Variants in SGCZ observed in about 807,000 individuals in gnomAD.
SGCZ encodes sarcoglycan zeta, also known as zeta-sarcoglycan.
A neutral mutation model predicts 41.3 loss-of-function variants in SGCZ; 40 were observed. The ratio of observed to expected loss-of-function variants is 0.97; its 90% CI spans 0.75 to 1.26. SGCZ has a LOEUF of 1.26. Ranked by LOEUF, SGCZ falls within the 50% of genes most tolerant of loss-of-function variation. The pLI, the probability that SGCZ is intolerant of heterozygous loss-of-function variation, is 0.00. For synonymous variants in SGCZ, 206 were observed against 137.5 expected, an observed-to-expected ratio of 1.50 and a Z score of -3.49; for missense variants, 552 against 369.8, an observed-to-expected ratio of 1.49 and a Z score of -4.04.
intron 1 of SGCZ, among the ~76,000 whole-genome samples, chr8:14,985,563 A>G (rs1585438774): frequency 1.3e-5 from 2 of 152,172 alleles, no homozygotes; most frequent in Non-Finnish European, 2.9e-5. Context: ...AAGTAAACAG[A>G]AAGCAGTTCA....
chr8:14,585,908 C>G (rs62498446), intron 1 of SGCZ, among the ~76,000 whole-genome samples: 4,855 of 152,116 alleles, frequency 0.032, 92 homozygotes, highest in Non-Finnish European at 0.046. Context: ...AAGTTGGCCA[C>G]ACAGTTGCTT....
chr8:14,418,344 G>A (rs561694056), intron 2 of SGCZ, among the ~76,000 whole-genome samples: 1 of 151,838 alleles, frequency 6.6e-6, no homozygotes, highest in African/African-American at 2.4e-5. Flanking sequence ...GCTCCTTAAA[G>A]CATTAGTTTT....
intron 2 of SGCZ, among the ~76,000 whole-genome samples, chr8:14,494,372 C>A (rs954998063): frequency 6.6e-6 from 1 of 152,046 alleles, no homozygotes; most frequent in Non-Finnish European, 1.5e-5. Flanking sequence ...TCAACTTTTC[C>A]AAGAGTGACA....
chr8:14,832,879 G>A (rs1407572738), intron 1 of SGCZ, among the ~76,000 whole-genome samples: 2 of 151,814 alleles, frequency 1.3e-5, no homozygotes, highest in Non-Finnish European at 1.5e-5. Context: ...TGTTTTAATA[G>A]GTAGGTTTTT....
intron 1 of SGCZ, among the ~76,000 whole-genome samples, chr8:14,949,058 G>A (rs984501580): frequency 1.4e-4 from 22 of 151,760 alleles, no homozygotes; most frequent in African/African-American, 5.3e-4. Flanking sequence ...AAGTACATTC[G>A]GTACATTTCC....
intron 1 of SGCZ, among the ~76,000 whole-genome samples, chr8:14,632,796 A>C (rs376250473): frequency 5.3e-5 from 8 of 152,174 alleles, no homozygotes; most frequent in African/African-American, 1.7e-4. Context: ...GTCATCCTAT[A>C]AGATAAAGGG....
At chr8:14,764,572 A>G (rs1799985801) in intron 1 of SGCZ, among the ~76,000 whole-genome samples, 1 of 152,186 alleles carries the variant, frequency 6.6e-6, no homozygotes, top group African/African-American at 2.4e-5. Flanking sequence ...TACAAACGTG[A>G]GATATTTTAC....
intron 7 of SGCZ, among the ~76,000 whole-genome samples, chr8:14,092,534 C>T (rs549606510): frequency 6.6e-6 from 1 of 152,006 alleles, no homozygotes; most frequent in South Asian, 2.1e-4. Flanking sequence ...AATTGTAACC[C>T]CCATAATTCC....
chr8:15,156,238 G>A (rs1163796719), intron 1 of SGCZ, among the ~76,000 whole-genome samples: 3 of 152,080 alleles, frequency 2.0e-5, no homozygotes, highest in Non-Finnish European at 2.9e-5. Context: ...CGCAGACTAT[G>A]AGTCCTGAAA....
At chr8:14,231,499 A>G (rs899819810) in intron 4 of SGCZ, among the ~76,000 whole-genome samples, 4 of 152,046 alleles carry the variant, frequency 2.6e-5, no homozygotes, top group Admixed American at 1.3e-4. Context: ...CCAATTATGC[A>G]TAATTTAAAG....
rs184456048 is a variant in SGCZ at position 14,285,071 on chromosome 8, G to T, written c.336+39032C>A. On this transcript the variant is annotated intron_variant, in intron 3 of 7. Transcript: ENST00000382080. Reference sequence around the variant, plus strand: ...ACTTATTACATTGATTCTTTTAAGGGTTGATTTTTGCCTTTAATAAGGCTA... The same window carrying T: ...ACTTATTACATTGATTCTTTTAAGGTTTGATTTTTGCCTTTAATAAGGCTA... Among the ~76,000 whole-genome samples the T allele has an allele frequency of 2.0e-4, 31 of 152,160 alleles. No individual in the cohort carries two copies. The East Asian group carries it at 5.6e-3, about 28-fold the overall frequency.
chr8:15,166,413 AG>A (rs1349943175), intron 1 of SGCZ, among the ~76,000 whole-genome samples: 2 of 151,654 alleles, frequency 1.3e-5, no homozygotes, highest in Non-Finnish European at 2.9e-5. Context: ...ATGCCCAGCT[AG>A]TTTTTTCTAT....
At chr8:14,132,458 AACC>A (rs1255305042) in intron 5 of SGCZ, among the ~76,000 whole-genome samples, 1 of 152,188 alleles carries the variant, frequency 6.6e-6, no homozygotes. Flanking sequence ...TACCTAAGAC[AACC>A]ACCATTACTA....
chr8:15,037,177 C>T (rs1357075462), intron 1 of SGCZ, among the ~76,000 whole-genome samples: 1 of 152,064 alleles, frequency 6.6e-6, no homozygotes, highest in Non-Finnish European at 1.5e-5. Flanking sequence ...TCCATGATCC[C>T]CACATGTCAT....
At chr8:14,736,871 C>T (rs1405573531) in intron 1 of SGCZ, among the ~76,000 whole-genome samples, 2 of 151,956 alleles carry the variant, frequency 1.3e-5, no homozygotes, top group East Asian at 1.9e-4. Context: ...AATCCCACTA[C>T]CGGGTATCTA....
chr8:14,775,460 AGTGT>A (rs71739993), intron 1 of SGCZ, among the ~76,000 whole-genome samples: 59,565 of 149,052 alleles, frequency 0.4, 13,783 homozygotes, highest in Non-Finnish European at 0.52. Context: ...AGAATATTTG[AGTGT>A]GTGTGTGTGT....
intron 2 of SGCZ, among the ~76,000 whole-genome samples, chr8:14,552,416 A>G (rs551742495): frequency 6.6e-6 from 1 of 152,180 alleles, no homozygotes; most frequent in South Asian, 2.1e-4. Flanking sequence ...TGTGCATTTT[A>G]CTTCAGCTAC....
At chr8:14,724,402 C>A (rs1005728260) in intron 1 of SGCZ, among the ~76,000 whole-genome samples, 6 of 151,676 alleles carry the variant, frequency 4.0e-5, no homozygotes, top group Non-Finnish European at 1.5e-5. Flanking sequence ...ACATGATAGC[C>A]TCTACTGAGC....
At chr8:14,462,763 T>C (rs897962675) in intron 2 of SGCZ, among the ~76,000 whole-genome samples, 2 of 151,914 alleles carry the variant, frequency 1.3e-5, no homozygotes, top group African/African-American at 2.4e-5. Context: ...GAAAAAGTCA[T>C]TGGGATTTGG....
Sources: allele counts gnomAD v4.1 joint callset (sites outside exome capture counted in the v4.1 genomes callset), GRCh38; gene constraint gnomAD v4.1.1; transcripts MANE v1.5; gene names NCBI Gene and HGNC (gene_info 2026-07-23, HGNC 2026-07-21).